The following FRMD4B variants were observed in gnomAD, a reference collection of about 807,000 sequenced individuals.
FRMD4B encodes the protein FERM domain containing 4B, also known as FERM domain-containing protein 4B.
Under a neutral mutation model 141.5 loss-of-function variants are expected in FRMD4B, and 74 were observed. The observed-to-expected ratio is 0.52, with a 90% CI of 0.43 to 0.63. The LOEUF (loss-of-function observed/expected upper bound fraction) is 0.63, where lower values mean the gene tolerates loss of function less well. FRMD4B is among the 30% of genes least tolerant of loss of function. The pLI is 0.00. For missense variants in FRMD4B, 1,366 were observed against 1,253.4 expected (o/e 1.09, Z -1.36); for synonymous variants, 506 against 467.9 (o/e 1.08, Z -1.05).
At chr3:69,338,061 T>C (rs1227534618) in intron 1 of FRMD4B, among the ~76,000 whole-genome samples, 2 of 152,248 alleles carry the variant, frequency 1.3e-5, no homozygotes, top group Non-Finnish European at 2.9e-5. Flanking sequence ...CCAACCCAAA[T>C]GTCCAACAAT....
At chr3:69,398,074 A>G (rs1235889569) in intron 2 of FRMD4B, among the ~76,000 whole-genome samples, 1 of 152,196 alleles carries the variant, frequency 6.6e-6, no homozygotes, top group African/African-American at 2.4e-5. Flanking sequence ...AGAAAAAAAT[A>G]CTGTACATGA....
upstream of FRMD4B, among the ~76,000 whole-genome samples, chr3:69,389,120 G>C (rs528387825): frequency 2.8e-5 from 4 of 144,590 alleles, no homozygotes; most frequent in African/African-American, 1.0e-4. Flanking sequence ...TGCAACCTCC[G>C]CCTCCCGGGT....
At chr3:69,497,618 T>C (rs1430895610) in intron 1 of FRMD4B, among the ~76,000 whole-genome samples, 1 of 152,234 alleles carries the variant, frequency 6.6e-6, no homozygotes, top group Non-Finnish European at 1.5e-5. Flanking sequence ...ATGGGATTTT[T>C]GTGTATACAG....
At position 69,263,396 on chromosome 3, in the gene FRMD4B, C is replaced by CTTTTTTT. The variant is rs67497031; in HGVS notation, c.502-13304_502-13298dup. Among the ~76,000 whole-genome samples, 32 of 72,918 alleles carry CTTTTTTT rather than the reference C, an allele frequency of 4.4e-4. 2 individuals are homozygous for CTTTTTTT. Among genetic ancestry groups the CTTTTTTT allele is most frequent in the African/African-American group, 1.4e-3 (24 of 17,214 alleles). The allele number at this position is 72,918 out of a possible 152,430, so 47.8% of individuals were successfully genotyped here. A position where few individuals can be genotyped will look rare whatever the true frequency, so the allele number is the denominator to read the frequency against. ...GATGCTAGTTTGCTAGTTACATGCA[C>CTTTTTTT]TTTTTTTTTTTTTTTTTTTTTTTTG... On this transcript the variant is annotated intron_variant, in intron 5 of 22. Transcript: ENST00000398540.
chr3:69,218,613 C>T (rs945682137), intron 9 of FRMD4B, among the ~76,000 whole-genome samples: 1 of 152,146 alleles, frequency 6.6e-6, no homozygotes, highest in African/African-American at 2.4e-5. Context: ...GAAAATGTTA[C>T]TTTCCACACA....
chr3:69,245,393 G>A (rs1402182141), intron 7 of FRMD4B, among the ~76,000 whole-genome samples: 1 of 151,784 alleles, frequency 6.6e-6, no homozygotes, highest in Non-Finnish European at 1.5e-5. Context: ...AGGCTGGAGT[G>A]CAGTGGAACG....
chr3:69,440,642 T>C (rs1705329105), intron 1 of FRMD4B, among the ~76,000 whole-genome samples: 1 of 151,724 alleles, frequency 6.6e-6, no homozygotes, highest in African/African-American at 2.4e-5. Context: ...CCATCTCTAC[T>C]AAAAAAAATA....
intron 1 of FRMD4B, among the ~76,000 whole-genome samples, chr3:69,486,161 T>G (rs908299049): frequency 3.3e-5 from 5 of 152,224 alleles, no homozygotes; most frequent in African/African-American, 1.2e-4. Context: ...GAAGTCTGGT[T>G]ATTGTTGTTT....
At chr3:69,325,594 C>T (rs1430944064) in intron 1 of FRMD4B, among the ~76,000 whole-genome samples, 2 of 152,168 alleles carry the variant, frequency 1.3e-5, no homozygotes, top group East Asian at 3.9e-4. Context: ...CTGCTATTTA[C>T]CTAAGAGAAT....
chr3:69,475,249 G>A (rs868364884), intron 1 of FRMD4B, among the ~76,000 whole-genome samples: 84 of 151,278 alleles, frequency 5.6e-4, no homozygotes, highest in South Asian at 3.4e-3. Context: ...GTACATGTGC[G>A]AAATGTGCAG....
At chr3:69,303,805 A>C (rs917918342) in intron 3 of FRMD4B, among the ~76,000 whole-genome samples, 2 of 152,054 alleles carry the variant, frequency 1.3e-5, no homozygotes, top group African/African-American at 4.8e-5. Flanking sequence ...GTGGTGGTGC[A>C]TGCCTGTTGT....
chr3:69,348,487 G>T (rs1462602170), intron 1 of FRMD4B, among the ~76,000 whole-genome samples: 3 of 152,126 alleles, frequency 2.0e-5, no homozygotes, highest in South Asian at 4.1e-4. Flanking sequence ...CATTTTATGA[G>T]GCCAGCAACA....
chr3:69,493,519 GAAGGTTAGGTACAAAGT>G (rs1706336745), intron 1 of FRMD4B, among the ~76,000 whole-genome samples: 1 of 152,170 alleles, frequency 6.6e-6, no homozygotes, highest in African/African-American at 2.4e-5. Context: ...TCCTGGAATG[GAAGGTTAGGTACAAAGT>G]AAGGAAACAT....
intron 1 of FRMD4B, among the ~76,000 whole-genome samples, chr3:69,316,631 T>C (rs1240100323): frequency 6.6e-6 from 1 of 152,082 alleles, no homozygotes; most frequent in Non-Finnish European, 1.5e-5. Flanking sequence ...TAAATAAATG[T>C]GTCAGTTTAA....
At chr3:69,495,957 A>T (rs1431875372) in intron 1 of FRMD4B, among the ~76,000 whole-genome samples, 1 of 152,188 alleles carries the variant, frequency 6.6e-6, no homozygotes, top group Non-Finnish European at 1.5e-5. Context: ...ACAAGAATAG[A>T]CTATGAGTAT....
At chr3:69,338,767 T>G (rs1374674535) in intron 1 of FRMD4B, among the ~76,000 whole-genome samples, 1 of 152,092 alleles carries the variant, frequency 6.6e-6, no homozygotes, top group South Asian at 2.1e-4. Flanking sequence ...CAAAATAATA[T>G]GTACACCAAA....
In FRMD4B at chr3:69,261,398, C is replaced by A. The variant is rs994732984; in HGVS notation, c.502-11299G>T. ...ACACTATTATCTGATTATTAACATG[C>A]AGGATTATGACTGCTTTTAGTGTAT... is the stretch of plus-strand genomic sequence containing the variant. On this transcript the variant is annotated intron_variant, in intron 5 of 22. Coordinates refer to ENST00000398540, the MANE Select transcript of FRMD4B (RefSeq NM_015123.3). 3.3e-5 allele frequency among the ~76,000 whole-genome samples: 5 copies of A among 152,310 alleles called. No individual in the cohort carries two copies. The East Asian group carries it at 9.7e-4, about 29-fold the overall frequency.
intron 7 of FRMD4B, among the ~76,000 whole-genome samples, chr3:69,237,666 C>T (rs2093354319): frequency 6.6e-6 from 1 of 152,186 alleles, no homozygotes; most frequent in African/African-American, 2.4e-5. Flanking sequence ...TCTCTGGTCC[C>T]CAGCTTCCTC....
At chr3:69,453,791 A>G (rs1347367466) in intron 1 of FRMD4B, among the ~76,000 whole-genome samples, 1 of 152,238 alleles carries the variant, frequency 6.6e-6, no homozygotes, top group African/African-American at 2.4e-5. Context: ...AAATGGAGTA[A>G]GGAAATCCAT....
Sources: gnomAD v4.1 joint callset for allele counts (sites outside exome capture counted in the v4.1 genomes callset) on GRCh38, gnomAD v4.1.1 for gene constraint, MANE v1.5 for transcripts, NCBI Gene and HGNC (gene_info 2026-07-23, HGNC 2026-07-21) for gene names.